Variants in ZCCHC4 observed in about 807,000 individuals in gnomAD.
ZCCHC4 encodes zinc finger CCHC-type containing 4.
Under a neutral mutation model 67.7 loss-of-function variants are expected in ZCCHC4, and 54 were observed. The ratio of observed to expected loss-of-function variants is 0.80; its 90% CI spans 0.64 to 1.00. ZCCHC4 has a LOEUF of 1.00. Among genes scored for constraint, ZCCHC4 ranks in the 50% least tolerant of loss-of-function variants. ZCCHC4 has a pLI of 0.00. For synonymous variants in ZCCHC4, 198 were observed against 213.5 expected (o/e 0.93, Z 0.63); for missense variants, 609 against 617.0 (o/e 0.99, Z 0.14).
At chr4:25,330,557 T>G (rs1336333060) in intron 3 of ZCCHC4, among the ~76,000 whole-genome samples, 1 of 152,206 alleles carries the variant, frequency 6.6e-6, no homozygotes, top group Admixed American at 6.5e-5. Flanking sequence ...CACTACAGAA[T>G]AGTTGTGACT....
chr4:25,339,002 C>G (rs895841881), intron 5 of ZCCHC4, among the ~76,000 whole-genome samples: 1 of 152,138 alleles, frequency 6.6e-6, no homozygotes, highest in African/African-American at 2.4e-5. Context: ...GGCTGGAAGT[C>G]CAAGATCAAG....
chr4:25,328,668 A>G (rs1161263031), intron 3 of ZCCHC4, among the ~76,000 whole-genome samples: 1 of 151,356 alleles, frequency 6.6e-6, no homozygotes, highest in Admixed American at 6.6e-5. Context: ...TGCAGCCTTG[A>G]CCTCCCAGGC....
At chr4:25,361,695 C>A in intron 8 of ZCCHC4, 164 bp from the exon 9 acceptor site, 1 of 646,412 alleles carries the variant, frequency 1.5e-6, no homozygotes, top group Non-Finnish European at 2.6e-6. Flanking sequence ...ACCACTGGTC[C>A]ACCCACTCCC....
Position 25,364,525 on chromosome 4 carries a change from G to T in ZCCHC4, c.1261+20G>T. 1 of 1,540,170 alleles carries T rather than the reference G, an allele frequency of 6.5e-7. No homozygotes were observed. Among genetic ancestry groups the T allele is most frequent in the Non-Finnish European group, 8.7e-7 (1 of 1,143,876 alleles). On this transcript the variant is annotated intron_variant, in intron 11 of 12. Transcript: ENST00000302874. The stretch of plus-strand genomic sequence containing the variant: ...AGCCTTGTAAGTATTGAGACTTAGT[G>T]TTTGAGATCCTATGAACATATTTTA...
intron 5 of ZCCHC4, among the ~76,000 whole-genome samples, chr4:25,336,671 G>C (rs1453588851): frequency 1.3e-5 from 2 of 152,264 alleles, no homozygotes; most frequent in South Asian, 2.1e-4. Context: ...ATTTTTAGTA[G>C]AGAGGGGATT....
intron 8 of ZCCHC4, among the ~76,000 whole-genome samples, chr4:25,358,669 G>A (rs1720604347): frequency 6.6e-6 from 1 of 152,208 alleles, no homozygotes; most frequent in African/African-American, 2.4e-5. Flanking sequence ...GTAGGCCAAG[G>A]CAGCTTTCCA....
chr4:25,321,624 C>A (rs1428095897), intron 3 of ZCCHC4, among the ~76,000 whole-genome samples: 2 of 152,172 alleles, frequency 1.3e-5, no homozygotes, highest in Admixed American at 1.3e-4. Flanking sequence ...CTACCCGCCT[C>A]AGCCTCCCAA....
chr4:25,369,095 C>T lies in ZCCHC4; in HGVS notation c.1473C>T (p.Ser491=). ...AAATGGAGACCACGAAAGGACAATC[C>T]ATGAATCATACATCTGCTACAAGGA... ...KMKMETTKGQ[S]MNHTSATRRK... Residue 491 remains serine, a synonymous_variant, in exon 13 of 13, where the codon TCC becomes TCT. Coordinates refer to ENST00000302874, the MANE Select transcript of ZCCHC4 (RefSeq NM_024936.3). 6.2e-7 allele frequency: 1 copy of T among 1,613,678 alleles called. No individual in the cohort carries two copies. The highest frequency in any genetic ancestry group is 8.5e-7 in the Non-Finnish European group (1 of 1,179,858).
intron 3 of ZCCHC4, among the ~76,000 whole-genome samples, chr4:25,328,241 C>CT (rs796111878): frequency 3.3e-4 from 50 of 152,128 alleles, no homozygotes; most frequent in African/African-American, 1.2e-3. Context: ...TGTACAGAAT[C>CT]TATCTTTTTT....
At position 25,331,771 on chromosome 4, in the gene ZCCHC4, C is replaced by T. The variant is rs377017308; in HGVS notation, c.330-1412C>T. Among the ~76,000 whole-genome samples, 166 of 152,280 alleles carry T rather than the reference C, an allele frequency of 1.1e-3. 1 individual carries two copies. In the South Asian group the frequency reaches 0.012, roughly 11 times the overall value. On this transcript the variant is annotated intron_variant, in intron 3 of 12. Transcript: ENST00000302874. ...GAAGTTTCTTCTAATATCCCTCTAT[C>T]TCCTTTTTCTTTCTAGTTTTAGATA...
chr4:25,334,252 A>G (rs1408375267), intron 5 of ZCCHC4, among the ~76,000 whole-genome samples: 2 of 152,238 alleles, frequency 1.3e-5, no homozygotes, highest in Admixed American at 6.5e-5. Context: ...TATAATCTAC[A>G]GATGAATCTC....
intron 3 of ZCCHC4, among the ~76,000 whole-genome samples, chr4:25,328,282 C>T (rs934503925): frequency 2.0e-5 from 3 of 152,154 alleles, no homozygotes; most frequent in Non-Finnish European, 4.4e-5. Context: ...CTCTGTCTCC[C>T]AGGCTGGAGT....
intron 3 of ZCCHC4, among the ~76,000 whole-genome samples, chr4:25,317,240 G>A (rs911220678): frequency 6.6e-6 from 1 of 152,002 alleles, no homozygotes; most frequent in Non-Finnish European, 1.5e-5. Flanking sequence ...GGAGTACTGG[G>A]GTGTATTTAT....
At chr4:25,364,432 A>C in intron 10 of ZCCHC4, 22 bp from the exon 11 acceptor site, 1 of 1,486,076 alleles carries the variant, frequency 6.7e-7, no homozygotes, top group Non-Finnish European at 9.0e-7. Context: ...TATAATTTAA[A>C]AATTGTTTTT....
chr4:25,354,562 T>G (rs1198118652), intron 8 of ZCCHC4, among the ~76,000 whole-genome samples: 2 of 152,350 alleles, frequency 1.3e-5, no homozygotes, highest in East Asian at 3.9e-4. Context: ...TTTGATTACG[T>G]TCTTGGACAA....
At chr4:25,340,794 T>A (rs1027768139) in intron 5 of ZCCHC4, among the ~76,000 whole-genome samples, 7 of 152,202 alleles carry the variant, frequency 4.6e-5, no homozygotes, top group Non-Finnish European at 8.8e-5. Context: ...GTGGTGTTAA[T>A]AGTACTCTGA....
At chr4:25,340,938 C>T (rs1381496666) in intron 5 of ZCCHC4, among the ~76,000 whole-genome samples, 4 of 152,056 alleles carry the variant, frequency 2.6e-5, no homozygotes, top group Non-Finnish European at 4.4e-5. Context: ...TAAGTCTGCT[C>T]ATTATGAAGA....
chr4:25,364,438 T>C lies in ZCCHC4; in HGVS notation c.1210-16T>C. ...CAAATTAATTATAATTTAAAAATTG[T>C]TTTTTTTTTTGGTAGGATGGCAGGA... On this transcript the variant is annotated splice_polypyrimidine_tract_variant and intron_variant, in intron 10 of 12. Transcript: ENST00000302874. 3 of 969,216 alleles carry C rather than the reference T, an allele frequency of 3.1e-6. No homozygotes were observed. Among genetic ancestry groups the C allele is most frequent in the Non-Finnish European group, 4.2e-6 (3 of 717,098 alleles). 60.0% of individuals were successfully genotyped at this position (969,216 alleles called of 1,614,324 possible).
At chr4:25,313,884 C>T (rs1410864453) in intron 1 of ZCCHC4, among the ~76,000 whole-genome samples, 162 bp from the exon 2 acceptor site, 1 of 152,004 alleles carries the variant, frequency 6.6e-6, no homozygotes. Context: ...AAACAAAAAA[C>T]CCTAACAAAA....
Sources: allele counts gnomAD v4.1 joint callset (sites outside exome capture counted in the v4.1 genomes callset), GRCh38; gene constraint gnomAD v4.1.1; transcripts MANE v1.5; gene names NCBI Gene and HGNC (gene_info 2026-07-23, HGNC 2026-07-21).